Variants in MAP2 observed in about 807,000 individuals in gnomAD.
MAP2 encodes the protein microtubule associated protein 2.
Under a neutral mutation model 137.6 loss-of-function variants are expected in MAP2, and 14 were observed. The observed-to-expected ratio is 0.10, with a 90% CI of 0.07 to 0.16. The LOEUF (loss-of-function observed/expected upper bound fraction) is 0.16. MAP2 is among the 10% of genes least tolerant of loss of function. The pLI, the probability that MAP2 is intolerant of heterozygous loss-of-function variation, is 1.00. For missense variants in MAP2, 2,088 were observed against 2,191.5 expected (o/e 0.95, Z 0.94); for synonymous variants, 786 against 782.3 (o/e 1.00, Z -0.08).
chr2:209,546,214 T>C lies in MAP2; in HGVS notation c.-171-33822T>C, dbSNP rs543082850. On this transcript the variant is annotated intron_variant, in intron 2 of 15. Transcript: ENST00000682079. ...TTTTTGTAATTTATGGTCACATATATTTTAAATGTGTATGGATGTTTTTAT... is the reference window on the plus strand; with the variant it reads ...TTTTTGTAATTTATGGTCACATATACTTTAAATGTGTATGGATGTTTTTAT... Among the ~76,000 whole-genome samples the C allele has an allele frequency of 1.1e-4, 17 of 152,310 alleles. No homozygotes were observed. The South Asian group carries it at 3.3e-3, about 30-fold the overall frequency.
At chr2:209,572,187 T>C (rs1221098450) in intron 2 of MAP2, among the ~76,000 whole-genome samples, 2 of 152,042 alleles carry the variant, frequency 1.3e-5, no homozygotes, top group Non-Finnish European at 1.5e-5. Flanking sequence ...TCAAGAGCAA[T>C]TGGAAAGTGA....
At chr2:209,546,530 T>C (rs541087199) in intron 2 of MAP2, among the ~76,000 whole-genome samples, 2 of 152,346 alleles carry the variant, frequency 1.3e-5, no homozygotes, top group South Asian at 4.1e-4. Flanking sequence ...TTACTGCTTA[T>C]AGGATTTTTC....
chr2:209,461,466 T>C (rs1255520792), intron 1 of MAP2, among the ~76,000 whole-genome samples: 1 of 151,900 alleles, frequency 6.6e-6, no homozygotes, highest in African/African-American at 2.4e-5. Flanking sequence ...TAGATTTTTT[T>C]TTTTTCGAGA....
intron 5 of MAP2, among the ~76,000 whole-genome samples, chr2:209,668,179 A>G (rs943752117): frequency 6.6e-6 from 1 of 152,084 alleles, no homozygotes; most frequent in Non-Finnish European, 1.5e-5. Context: ...GTCTTCAAGT[A>G]AAGAGTGAGT....
At chr2:209,443,120 C>G (rs753443291) in intron 1 of MAP2, among the ~76,000 whole-genome samples, 3 of 151,468 alleles carry the variant, frequency 2.0e-5, no homozygotes, top group Non-Finnish European at 4.4e-5. Flanking sequence ...TCTCTTCAAT[C>G]TTATTTTCAG....
At chr2:209,641,640 T>C (rs2094030716) in intron 4 of MAP2, among the ~76,000 whole-genome samples, 2 of 151,194 alleles carry the variant, frequency 1.3e-5, no homozygotes, top group East Asian at 1.9e-4. Flanking sequence ...ATATCTCCAG[T>C]ACCTAAATGC....
At position 209,730,645 on chromosome 2, in the gene MAP2, G is replaced by T; in HGVS notation, c.*248G>T. On this transcript the variant is annotated 3_prime_UTR_variant, in exon 16 of 16. Coordinates refer to ENST00000682079, the MANE Select transcript of MAP2 (RefSeq NM_001375505.1). ...TCAATTGGACAATTATTTTTGCTCT[G>T]CTCTGTTTTGCATGGAGTATTATTA... 1 of 480,294 alleles carries T rather than the reference G, an allele frequency of 2.1e-6. No individual in the cohort carries two copies. Among genetic ancestry groups the T allele is most frequent in the South Asian group, 2.3e-5 (1 of 42,718 alleles). The allele number at this position is 480,294 out of a possible 1,614,324, so 29.8% of individuals were successfully genotyped here.
intron 2 of MAP2, among the ~76,000 whole-genome samples, chr2:209,508,146 A>G (rs1251807616): frequency 6.6e-6 from 1 of 152,048 alleles, no homozygotes; most frequent in Non-Finnish European, 1.5e-5. Flanking sequence ...TGCTTTCATT[A>G]ATTGGCCTTA....
Position 209,594,025 on chromosome 2 carries a change from G to A in MAP2, c.-107+13925G>A, listed in dbSNP as rs191040064. Among the ~76,000 whole-genome samples the A allele has an allele frequency of 1.8e-3, 259 of 141,972 alleles. 7 individuals are homozygous for A. The highest frequency in any genetic ancestry group is 0.018 in the Admixed American group (234 of 13,248). 93.1% of individuals were successfully genotyped at this position (141,972 alleles called of 152,430 possible). ...TAGCTGGATATGGTGGCTTTCGCCT[G>A]TAGTCCCAGCCACTTGACAGGCTGA... On this transcript the variant is annotated intron_variant, in intron 3 of 15. Transcript: ENST00000682079.
intron 3 of MAP2, among the ~76,000 whole-genome samples, chr2:209,616,143 A>G (rs531540290): frequency 2.4e-4 from 37 of 152,288 alleles, no homozygotes; most frequent in Admixed American, 9.2e-4. Context: ...CTCGGGAACC[A>G]CCAAACAGAG....
Position 209,695,746 on chromosome 2 carries a change from C to G in MAP2, c.3576C>G (p.Val1192=). ...TAGCCACAGATGAGAGAGCTGATGT[C>G]CAGATGGAATTTATTCAGGGGCCAA... ...ADLATDERAD[V]QMEFIQGPKE... Residue 1192 remains valine, a synonymous_variant, in exon 8 of 16, where the codon GTC becomes GTG. Transcript: ENST00000682079. 2.5e-6 allele frequency: 4 copies of G among 1,613,894 alleles called. No homozygotes were observed. Among genetic ancestry groups the G allele is most frequent in the Non-Finnish European group, 3.4e-6 (4 of 1,179,942 alleles).
intron 2 of MAP2, among the ~76,000 whole-genome samples, chr2:209,514,202 A>AATCAT (rs2062136011): frequency 6.6e-6 from 1 of 152,152 alleles, no homozygotes; most frequent in Non-Finnish European, 1.5e-5. Flanking sequence ...AGATATTAAT[A>AATCAT]TACTATGCTA....
intron 3 of MAP2, among the ~76,000 whole-genome samples, chr2:209,597,746 G>A (rs1176208802): frequency 1.3e-5 from 2 of 151,456 alleles, no homozygotes; most frequent in African/African-American, 2.4e-5. Flanking sequence ...TGTTTTTTTT[G>A]TTTTCGTTTT....
intron 2 of MAP2, among the ~76,000 whole-genome samples, chr2:209,529,060 A>T (rs893512691): frequency 6.6e-6 from 1 of 151,998 alleles, no homozygotes; most frequent in African/African-American, 2.4e-5. Flanking sequence ...TTGAGTCTGA[A>T]CTAAGAATAA....
chr2:209,655,814 G>A (rs1023591062), intron 5 of MAP2, among the ~76,000 whole-genome samples: 5 of 152,176 alleles, frequency 3.3e-5, no homozygotes, highest in African/African-American at 7.2e-5. Context: ...CACTGTTAGC[G>A]TGAGGCACTT....
Position 209,696,720 on chromosome 2 carries a change from C to A in MAP2, c.4359C>A (p.Val1453=), listed in dbSNP as rs754444071. 1 of 1,611,848 alleles carries A rather than the reference C, an allele frequency of 6.2e-7. No individual in the cohort carries two copies. Among genetic ancestry groups the A allele is most frequent in the Non-Finnish European group, 8.5e-7 (1 of 1,179,538 alleles). ...TAGCTAAAAAGGAACCTAGCACAGT[C>A]TCCAGAGATGAAGTGAGAAGGAAAA... ...RKVAKKEPST[V]SRDEVRRKKA... is the part of the protein sequence containing the mutation. The change falls in exon 9 of 16, where the codon GTC becomes GTA. Residue 1453 remains valine, a synonymous_variant. Transcript: ENST00000682079.
intron 3 of MAP2, among the ~76,000 whole-genome samples, chr2:209,610,178 G>A (rs1400631750): frequency 2.0e-5 from 3 of 152,112 alleles, no homozygotes; most frequent in Admixed American, 6.6e-5. Context: ...AAAAAGGGTA[G>A]AGAAGAGCAT....
intron 3 of MAP2, among the ~76,000 whole-genome samples, chr2:209,615,102 C>CA (rs2088709268): frequency 6.6e-6 from 1 of 151,758 alleles, no homozygotes; most frequent in Non-Finnish European, 1.5e-5. Flanking sequence ...GGAGCTCAGG[C>CA]AAAAAACATC....
At chr2:209,647,149 A>C (rs1159218405) in intron 4 of MAP2, among the ~76,000 whole-genome samples, 1 of 152,122 alleles carries the variant, frequency 6.6e-6, no homozygotes, top group Non-Finnish European at 1.5e-5. Flanking sequence ...AGATATCATG[A>C]GAGCTCACTA....
Sources: allele counts gnomAD v4.1 joint callset (sites outside exome capture counted in the v4.1 genomes callset), GRCh38; gene constraint gnomAD v4.1.1; transcripts MANE v1.5; gene names NCBI Gene and HGNC (gene_info 2026-07-23, HGNC 2026-07-21).